The following IGF2BP1 variants were observed in gnomAD, a reference collection of about 807,000 sequenced individuals.
IGF2BP1 encodes the protein insulin like growth factor 2 mRNA binding protein 1.
A neutral mutation model predicts 74.9 loss-of-function variants in IGF2BP1; 11 were observed. The observed-to-expected ratio is 0.15, with a 90% CI of 0.09 to 0.24. The LOEUF is 0.24. Among genes scored for constraint, IGF2BP1 ranks in the 10% least tolerant of loss-of-function variants. IGF2BP1 has a pLI of 1.00. For synonymous variants in IGF2BP1, 287 were observed against 281.8 expected (o/e 1.02, Z -0.18); for missense variants, 440 against 757.4 (o/e 0.58, Z 4.92).
chr17:49,001,297 AAT>A (rs2041485340), intron 2 of IGF2BP1, among the ~76,000 whole-genome samples: 1 of 152,192 alleles, frequency 6.6e-6, no homozygotes. Flanking sequence ...AATTATGACT[AAT>A]ATATTCTAAG....
At chr17:49,034,736 C>CAAAAAAAAAAAA in intron 5 of IGF2BP1, among the ~76,000 whole-genome samples, 1 of 108,820 alleles carries the variant, frequency 9.2e-6, no homozygotes, top group Admixed American at 8.8e-5. Context: ...GACCCTGTCT[C>CAAAAAAAAAAAA]AAAAAAAACA....
chr17:49,024,223 G>A (rs546484032), intron 2 of IGF2BP1, among the ~76,000 whole-genome samples: 1 of 150,442 alleles, frequency 6.6e-6, no homozygotes, highest in Non-Finnish European at 1.5e-5. Flanking sequence ...GAGCCACCGC[G>A]CGTGGCTAAA....
chr17:49,043,838 C>T, intron 10 of IGF2BP1, 129 bp from the exon 11 acceptor site: 1 of 1,327,050 alleles, frequency 7.5e-7, no homozygotes, highest in South Asian at 1.4e-5. Flanking sequence ...TCACAGCATC[C>T]CTTGGCAGCC....
intron 5 of IGF2BP1, among the ~76,000 whole-genome samples, chr17:49,034,094 G>A (rs1259957143): frequency 7.0e-6 from 1 of 143,328 alleles, no homozygotes; most frequent in East Asian, 2.1e-4. Flanking sequence ...CAAAGTGTTA[G>A]AATTATATCA....
intron 2 of IGF2BP1, among the ~76,000 whole-genome samples, chr17:49,006,473 A>G (rs536261180): frequency 6.6e-6 from 1 of 152,348 alleles, no homozygotes; most frequent in South Asian, 2.1e-4. Flanking sequence ...GTAGTACACA[A>G]TAGCTCTTAT....
intron 4 of IGF2BP1, among the ~76,000 whole-genome samples, chr17:49,031,626 C>T (rs2041922497): frequency 1.3e-5 from 2 of 151,792 alleles, no homozygotes; most frequent in African/African-American, 4.8e-5. Context: ...CCTGCCTCAG[C>T]CTCTCCAGTA....
chr17:49,040,886 C>G (rs1031443389), intron 7 of IGF2BP1, among the ~76,000 whole-genome samples: 2 of 152,194 alleles, frequency 1.3e-5, no homozygotes, highest in African/African-American at 4.8e-5. Flanking sequence ...TACACATGTT[C>G]CTTTACACAC....
At chr17:49,010,313 C>A (rs1187548551) in intron 2 of IGF2BP1, among the ~76,000 whole-genome samples, 1 of 105,618 alleles carries the variant, frequency 9.5e-6, no homozygotes, top group Non-Finnish European at 1.9e-5. Context: ...TGGTGGTCAT[C>A]TTTTTTTTTT....
chr17:48,999,297 A>T, intron 2 of IGF2BP1, 128 bp downstream of exon 2: 2 of 627,536 alleles, frequency 3.2e-6, no homozygotes, highest in Non-Finnish European at 2.9e-6. Flanking sequence ...CCAACTCCGG[A>T]TGTTGGGGGC....
At chr17:49,025,262 A>G (rs2041836454) in intron 2 of IGF2BP1, among the ~76,000 whole-genome samples, 1 of 151,738 alleles carries the variant, frequency 6.6e-6, no homozygotes, top group Non-Finnish European at 1.5e-5. Context: ...GAACATAGTC[A>G]TGGTAACCTG....
Position 49,053,224 on chromosome 17 carries a change from A to G in IGF2BP1, c.*3780A>G, listed in dbSNP as rs1266767453. On this transcript the variant is annotated 3_prime_UTR_variant, in exon 15 of 15. Transcript: ENST00000290341. ...GCAGAAAAGACCCCATTTAAAACCC[A>G]GAGAACACTGGAGGGGGATGCTCTA... 3 of 152,668 alleles carry G rather than the reference A, an allele frequency of 2.0e-5. No homozygotes were observed. Among genetic ancestry groups the G allele is most frequent in the Non-Finnish European group, 4.4e-5 (3 of 68,062 alleles). The allele number at this position is 152,668 out of a possible 1,614,324, so 9.5% of individuals were successfully genotyped here.
chr17:49,020,690 C>T (rs1015979802), intron 2 of IGF2BP1, among the ~76,000 whole-genome samples: 20 of 152,174 alleles, frequency 1.3e-4, no homozygotes, highest in African/African-American at 3.6e-4. Context: ...GGGTCTGCAC[C>T]GTGGAATTGC....
intron 2 of IGF2BP1, among the ~76,000 whole-genome samples, chr17:49,019,246 A>G (rs530781576): frequency 6.6e-6 from 1 of 152,238 alleles, no homozygotes; most frequent in East Asian, 1.9e-4. Context: ...CTTTCCTGGG[A>G]GGCCTCTTTC....
intron 11 of IGF2BP1, 126 bp from the exon 12 acceptor site, chr17:49,044,865 T>C: frequency 1.3e-6 from 1 of 767,214 alleles, no homozygotes; most frequent in Non-Finnish European, 2.3e-6. Flanking sequence ...GTCTTTGTTC[T>C]TCCTCCCCTA....
chr17:49,014,751 GC>G (rs1319784181), intron 2 of IGF2BP1: 3 of 985,018 alleles, frequency 3.0e-6, no homozygotes, highest in Non-Finnish European at 3.6e-6. Flanking sequence ...CGGGGCTGGT[GC>G]CCAGATGTTT....
At chr17:49,039,119 G>A (rs973787937) in intron 6 of IGF2BP1, among the ~76,000 whole-genome samples, 12 of 151,754 alleles carry the variant, frequency 7.9e-5, no homozygotes, top group African/African-American at 2.9e-4. Context: ...CTCGTGATCC[G>A]GCCGCCTCAG....
chr17:49,019,946 A>ATATATATATG (rs2041765794), intron 2 of IGF2BP1, among the ~76,000 whole-genome samples: 1 of 42,306 alleles, frequency 2.4e-5, no homozygotes, highest in East Asian at 3.3e-4. Context: ...ATATATATAT[A>ATATATATATG]TATTTATATA....
At chr17:49,041,353 C>G in intron 7 of IGF2BP1, 25 bp from the exon 8 acceptor site, 2 of 1,612,836 alleles carry the variant, frequency 1.2e-6, no homozygotes, top group South Asian at 1.1e-5. Flanking sequence ...CTCTTGTCTT[C>G]CACTTCTTCC....
rs1054586163 is a variant in IGF2BP1 at position 49,051,648 on chromosome 17, A to G, written c.*2204A>G. On this transcript the variant is annotated 3_prime_UTR_variant, in exon 15 of 15. Coordinates refer to ENST00000290341, the MANE Select transcript of IGF2BP1 (RefSeq NM_006546.4). ...TTTTCCCACCAGTGGTGCTGTTGAG[A>G]TATTTTAAAATATTGCCTCCGTTTT... is the stretch of plus-strand genomic sequence containing the variant. The G allele has an allele frequency of 6.6e-6, 1 of 152,176 alleles. No homozygotes were observed. The highest frequency in any genetic ancestry group is 1.5e-5 in the Non-Finnish European group (1 of 68,038). The allele number at this position is 152,176 out of a possible 1,614,324, so 9.4% of individuals were successfully genotyped here. A position where few individuals can be genotyped will look rare whatever the true frequency, so the allele number is the denominator to read the frequency against.
Sources: allele counts gnomAD v4.1 joint callset (sites outside exome capture counted in the v4.1 genomes callset), GRCh38; gene constraint gnomAD v4.1.1; transcripts MANE v1.5; gene names NCBI Gene and HGNC (gene_info 2026-07-23, HGNC 2026-07-21).